Variants in CUBN observed in about 807,000 individuals in gnomAD.
CUBN encodes the protein 460 kDa receptor.
Under a neutral mutation model 405.3 loss-of-function variants are expected in CUBN, and 282 were observed. The observed-to-expected ratio is 0.70, with a 90% confidence interval of 0.63 to 0.77. The LOEUF (loss-of-function observed/expected upper bound fraction) is 0.77, where lower values mean the gene tolerates loss of function less well. Among genes scored for constraint, CUBN ranks in the 30% least tolerant of loss-of-function variants. CUBN has a pLI of 0.00. For missense variants in CUBN, 4,514 were observed against 4,475.2 expected (o/e 1.01, Z -0.25); for synonymous variants, 1,684 against 1,617.0 (o/e 1.04, Z -0.99).
At position 17,045,135 on chromosome 10, in the gene CUBN, G is replaced by C; in HGVS notation, c.3544C>G (p.Pro1182Ala). 1.2e-6 allele frequency: 2 copies of C among 1,613,956 alleles called. No homozygotes were observed. The highest frequency in any genetic ancestry group is 1.7e-6 in the Non-Finnish European group (2 of 1,179,984). Residue 1182 changes from proline to alanine, a missense_variant, in exon 25 of 67, where the codon CCG becomes GCG. Around this residue, in one of 5 missense-constraint regions of CUBN, gnomAD observed 242 missense variants for 309.0 expected, o/e 0.78. Transcript: ENST00000377833. ...SSGTFISPNY[P>A]MPYYHSSECY... ...TCAGAGCTGTGGTAATAGGGCATCG[G>C]GTAGTTGGGAGATATGAACGTGCCG...
chr10:17,020,175 G>A (rs902040067), intron 27 of CUBN, among the ~76,000 whole-genome samples, 192 bp from the exon 28 acceptor site: 2 of 152,026 alleles, frequency 1.3e-5, no homozygotes, highest in Non-Finnish European at 2.9e-5. Context: ...TATTAGAGAT[G>A]GATCTGATTC....
intron 35 of CUBN, among the ~76,000 whole-genome samples, chr10:16,948,225 C>T (rs1588509276): frequency 6.6e-6 from 1 of 152,254 alleles, no homozygotes; most frequent in East Asian, 1.9e-4. Flanking sequence ...AACAAAAGAA[C>T]ACCAAGTCAT....
rs1270073278 is a variant in CUBN at position 17,103,304 on chromosome 10, C to A, written c.1418-67G>T. On this transcript the variant is annotated intron_variant, in intron 12 of 66. Coordinates refer to ENST00000377833, the MANE Select transcript of CUBN (RefSeq NM_001081.4). ...AAAGGAAGAGGTTGGGCAACTGTAA[C>A]CCTGCTGCTGATAAACTTAGAGAAA... is the stretch of plus-strand genomic sequence containing the variant. 7.4e-6 allele frequency: 7 copies of A among 941,336 alleles called. No individual in the cohort carries two copies. The African/African-American group carries it at 1.1e-4, about 15-fold the overall frequency. The allele number at this position is 941,336 out of a possible 1,614,324, so 58.3% of individuals were successfully genotyped here. A position where few individuals can be genotyped will look rare whatever the true frequency, so the allele number is the denominator to read the frequency against.
intron 27 of CUBN, among the ~76,000 whole-genome samples, chr10:17,028,503 G>T (rs1470534057): frequency 2.6e-5 from 4 of 151,748 alleles, no homozygotes; most frequent in Non-Finnish European, 4.4e-5. Context: ...GGTGGATCAC[G>T]TGAGGCCAGG....
chr10:16,970,578 A>G (rs1424347021), intron 31 of CUBN, among the ~76,000 whole-genome samples: 4 of 149,868 alleles, frequency 2.7e-5, no homozygotes, highest in Non-Finnish European at 5.9e-5. Context: ...CTCCATCTCA[A>G]AAAAAAAAAA....
Position 17,088,264 on chromosome 10 carries a change from C to CAATCTCT in CUBN, c.1840_1846dup (p.Cys616Ter). On this transcript the variant is annotated stop_gained and frameshift_variant, in exon 15 of 67. Coordinates refer to ENST00000377833, the MANE Select transcript of CUBN (RefSeq NM_001081.4). LOFTEE classifies it high-confidence loss of function. ...AGGACTAGTTACAACAATCCAGACA[C>CAATCTCT]AATCTCTTCCTGGGGGATAGTTTCC... 10 of 1,613,714 alleles carry CAATCTCT rather than the reference C, an allele frequency of 6.2e-6. No individual in the cohort carries two copies. Among genetic ancestry groups the CAATCTCT allele is most frequent in the Non-Finnish European group, 8.5e-6 (10 of 1,179,646 alleles).
chr10:17,019,117 C>T (rs1834424525), intron 28 of CUBN, among the ~76,000 whole-genome samples: 1 of 152,166 alleles, frequency 6.6e-6, no homozygotes, highest in Admixed American at 6.5e-5. Context: ...GCTGACGCTG[C>T]TCTCTAGGGA....
intron 14 of CUBN, among the ~76,000 whole-genome samples, chr10:17,090,275 T>C (rs1481598366): frequency 1.3e-5 from 2 of 152,140 alleles, no homozygotes. Flanking sequence ...TATATTATGC[T>C]CCCTTTTATC....
chr10:17,090,052 G>T (rs1836218465), intron 14 of CUBN, among the ~76,000 whole-genome samples: 1 of 152,110 alleles, frequency 6.6e-6, no homozygotes, highest in African/African-American at 2.4e-5. Context: ...GGAGGTTGAG[G>T]TTGCTGTGAG....
chr10:16,974,959 A>C (rs1833048624), intron 31 of CUBN, among the ~76,000 whole-genome samples: 1 of 152,230 alleles, frequency 6.6e-6, no homozygotes, highest in Non-Finnish European at 1.5e-5. Context: ...AACATATAAA[A>C]TATCTGTTAA....
chr10:16,979,362 A>G (rs1012557385), intron 31 of CUBN, among the ~76,000 whole-genome samples: 1 of 152,176 alleles, frequency 6.6e-6, no homozygotes, highest in African/African-American at 2.4e-5. Flanking sequence ...ATGTGGAACA[A>G]AAAAAGAGCC....
intron 17 of CUBN, among the ~76,000 whole-genome samples, chr10:17,073,638 G>T (rs771416816): frequency 6.6e-6 from 1 of 152,054 alleles, no homozygotes; most frequent in Non-Finnish European, 1.5e-5. Context: ...TAGAGACGGG[G>T]TTTCTTTATG....
intron 27 of CUBN, among the ~76,000 whole-genome samples, chr10:17,035,089 AAAT>A (rs1332359470): frequency 4.2e-5 from 5 of 119,528 alleles, no homozygotes; most frequent in Non-Finnish European, 4.0e-5. Flanking sequence ...TAAAAAAAAA[AAAT>A]AAACAAATGA....
At chr10:16,970,847 C>T (rs2131670283) in intron 31 of CUBN, among the ~76,000 whole-genome samples, 1 of 152,132 alleles carries the variant, frequency 6.6e-6, no homozygotes, top group Admixed American at 6.6e-5. Flanking sequence ...CCCACCTCCA[C>T]CTCAATGTCT....
chr10:17,008,572 A>G (rs7920705), intron 28 of CUBN, among the ~76,000 whole-genome samples: 60,390 of 150,872 alleles, frequency 0.4, 12,360 homozygotes, highest in East Asian at 0.59. Context: ...GGCTCTCCCC[A>G]CTCCCTCCTA....
At chr10:16,869,188 C>T in intron 59 of CUBN, among the ~76,000 whole-genome samples, 1 of 76,432 alleles carries the variant, frequency 1.3e-5, no homozygotes, top group African/African-American at 4.9e-5. Context: ...TTTTTTGAGA[C>T]AGAGTCTCAT....
chr10:16,889,953 A>AAACAAAAAAAAAAAAAAAAAAAAG (rs57009841), intron 55 of CUBN, among the ~76,000 whole-genome samples: 1 of 118,014 alleles, frequency 8.5e-6, no homozygotes, highest in African/African-American at 4.2e-5. Context: ...AAAAAAAAAA[A>AAACAAAAAAAAAAAAAAAAAAAAG]CAGGAAAGAC....
At chr10:16,997,684 G>T (rs1833774326) in intron 28 of CUBN, among the ~76,000 whole-genome samples, 1 of 152,208 alleles carries the variant, frequency 6.6e-6, no homozygotes, top group Admixed American at 6.5e-5. Flanking sequence ...AGGTCAGGGA[G>T]GGTGGGGAAG....
chr10:17,122,233 T>C (rs2131322276), intron 6 of CUBN: 1 of 164,378 alleles, frequency 6.1e-6, no homozygotes, highest in South Asian at 1.6e-4. Flanking sequence ...ACAGAATAAG[T>C]CAGAAGAGAA....
Sources: gnomAD v4.1 joint callset for allele counts (sites outside exome capture counted in the v4.1 genomes callset) on GRCh38, gnomAD v4.1.1 for gene constraint, gnomAD v4.1.1 regional missense constraint, MANE v1.5 for transcripts, NCBI Gene and HGNC (gene_info 2026-07-23, HGNC 2026-07-21) for gene names.